ANKRD63: variants seen among roughly 807,000 people sequenced by gnomAD.
ANKRD63 encodes the protein ankyrin repeat domain-containing protein 63.
A neutral mutation model predicts 21.2 loss-of-function variants in ANKRD63; 18 were observed. The ratio of observed to expected loss-of-function variants is 0.85; its 90% CI spans 0.59 to 1.26. The LOEUF is 1.26. Among genes scored for constraint, ANKRD63 ranks in the 50% most tolerant of loss-of-function variants. The pLI is 0.00. For missense variants in ANKRD63, 523 were observed against 570.9 expected, an observed-to-expected ratio of 0.92 and a Z score of 0.85; for synonymous variants, 322 against 273.3, an observed-to-expected ratio of 1.18 and a Z score of -1.76.
At position 40,279,104 on chromosome 15, in the gene ANKRD63, C is replaced by G. The variant is rs1185365995; in HGVS notation, c.*2340G>C. On this transcript the variant is annotated 3_prime_UTR_variant, in exon 1 of 1. Coordinates refer to ENST00000434396, the MANE Select transcript of ANKRD63 (RefSeq NM_001190479.3). The stretch of plus-strand genomic sequence containing the variant: ...GTCCCCACCCTACCCCAGACCCTCT[C>G]TCTCAGGCTTTTCAGGCACTTGGTA... 6.6e-6 allele frequency among the ~76,000 whole-genome samples: 1 copy of G among 152,262 alleles called. No individual in the cohort carries two copies. Among genetic ancestry groups the G allele is most frequent in the Admixed American group, 6.5e-5 (1 of 15,292 alleles).
rs2039514054 is a variant in ANKRD63 at position 40,279,083 on chromosome 15, C to T, written c.*2361G>A. On this transcript the variant is annotated 3_prime_UTR_variant, in exon 1 of 1. Coordinates refer to ENST00000434396, the MANE Select transcript of ANKRD63 (RefSeq NM_001190479.3). ...TTGCACTTGGGGTGTCCAGTGGTCC[C>T]CACCCTACCCCAGACCCTCTCTCTC... 1.3e-5 allele frequency among the ~76,000 whole-genome samples: 2 copies of T among 152,336 alleles called. No homozygotes were observed. Among genetic ancestry groups the T allele is most frequent in the East Asian group, 1.9e-4 (1 of 5,186 alleles).
Position 40,280,456 on chromosome 15 carries a change from T to C in ANKRD63, c.*988A>G, listed in dbSNP as rs150992135. 3.0e-3 allele frequency among the ~76,000 whole-genome samples: 452 copies of C among 152,354 alleles called. 3 individuals are homozygous for C. Among genetic ancestry groups the C allele is most frequent in the African/African-American group, 0.011 (444 of 41,590 alleles). On this transcript the variant is annotated 3_prime_UTR_variant, in exon 1 of 1. Transcript: ENST00000434396. Reference sequence around the variant, plus strand: ...GCTTAAAACACGAGTTCTTTGAGGATTGGAAGAAATACAATTAAGCACAGC... The same window carrying C: ...GCTTAAAACACGAGTTCTTTGAGGACTGGAAGAAATACAATTAAGCACAGC...
Position 40,279,984 on chromosome 15 carries a change from G to A in ANKRD63, c.*1460C>T, listed in dbSNP as rs990852586. Among the ~76,000 whole-genome samples, 1 of 152,242 alleles carries A rather than the reference G, an allele frequency of 6.6e-6. No individual in the cohort carries two copies. The highest frequency in any genetic ancestry group is 1.5e-5 in the Non-Finnish European group (1 of 68,032). The stretch of plus-strand genomic sequence containing the variant: ...GCCCCCAACCCCGCCGCCTCGCTAG[G>A]CCAGTATAGGGCAGGAGGGTGGGGG... On this transcript the variant is annotated 3_prime_UTR_variant, in exon 1 of 1. Coordinates refer to ENST00000434396, the MANE Select transcript of ANKRD63 (RefSeq NM_001190479.3).
At position 40,279,475 on chromosome 15, in the gene ANKRD63, A is replaced by G. The variant is rs1369230427; in HGVS notation, c.*1969T>C. On this transcript the variant is annotated 3_prime_UTR_variant, in exon 1 of 1. Transcript: ENST00000434396. ...AGGAAGAGGATTCCACGATAAATGC[A>G]CATGGATGAAGAAGTACACAGGGGT... 6.6e-6 allele frequency among the ~76,000 whole-genome samples: 1 copy of G among 152,252 alleles called. No individual in the cohort carries two copies. Among genetic ancestry groups the G allele is most frequent in the African/African-American group, 2.4e-5 (1 of 41,466 alleles).
At position 40,281,684 on chromosome 15, in the gene ANKRD63, C is replaced by A; in HGVS notation, c.903G>T (p.Ala301=). 6.5e-7 allele frequency: 1 copy of A among 1,530,886 alleles called. No homozygotes were observed. Among genetic ancestry groups the A allele is most frequent in the Non-Finnish European group, 8.7e-7 (1 of 1,143,630 alleles). 94.8% of individuals were successfully genotyped at this position (1,530,886 alleles called of 1,614,324 possible). A position where few individuals can be genotyped will look rare whatever the true frequency, so the allele number is the denominator to read the frequency against. Residue 301 remains alanine (A), a synonymous_variant, in exon 1 of 1, where the codon GCG becomes GCT. Coordinates refer to ENST00000434396, the MANE Select transcript of ANKRD63 (RefSeq NM_001190479.3). ...RWRSQEVLEG[A]PPTLAQAPIG... is the part of the protein sequence containing the mutation. ...TGGGGGCTTGCGCTAAGGTTGGGGG[C>A]GCTCCCTCCAGCACCTCCTGTGAGC...
rs1761231837 is a variant in ANKRD63, at chr15:40,280,757, C to T, written c.*687G>A. Among the ~76,000 whole-genome samples, 1 of 152,200 alleles carries T rather than the reference C, an allele frequency of 6.6e-6. No homozygotes were observed. The highest frequency in any genetic ancestry group is 6.5e-5 in the Admixed American group (1 of 15,286). On this transcript the variant is annotated 3_prime_UTR_variant, in exon 1 of 1. Transcript: ENST00000434396. ...TTATCAATGAAGCTGAATCCTGGGG[C>T]AGAGAGAGAGGGAGCTGGAGTTACC...
rs2039512827 is a variant in ANKRD63, at chr15:40,278,944, A to G, written c.*2500T>C. On this transcript the variant is annotated 3_prime_UTR_variant, in exon 1 of 1. Coordinates refer to ENST00000434396, the MANE Select transcript of ANKRD63 (RefSeq NM_001190479.3). ...ACCTCTGATACAATGTGCAACCCAGACTTCATGCTGTTAAGCCAAAATACT... is the reference window on the plus strand; with the variant it reads ...ACCTCTGATACAATGTGCAACCCAGGCTTCATGCTGTTAAGCCAAAATACT... Among the ~76,000 whole-genome samples, 1 of 152,248 alleles carries G rather than the reference A, an allele frequency of 6.6e-6. No individual in the cohort carries two copies. Among genetic ancestry groups the G allele is most frequent in the African/African-American group, 2.4e-5 (1 of 41,460 alleles).
Position 40,281,934 on chromosome 15 carries a change from AGAGGCCGCGG to A in ANKRD63, c.643_652del (p.Pro215SerfsTer40). ...CGCCGCTCGCGCAAAGCGCGCCAGG[AGAGGCCGCGG>A]GAGGCGGCGGGGGCTGGGTCGTCGA... is the stretch of plus-strand genomic sequence containing the variant. On this transcript the variant is annotated frameshift_variant, in exon 1 of 1. Transcript: ENST00000434396. LOFTEE classifies it high-confidence loss of function. 1.5e-6 allele frequency: 2 copies of A among 1,337,686 alleles called. No homozygotes were observed. The highest frequency in any genetic ancestry group is 1.9e-6 in the Non-Finnish European group (2 of 1,050,646). 82.9% of individuals were successfully genotyped at this position (1,337,686 alleles called of 1,614,324 possible). A position where few individuals can be genotyped will look rare whatever the true frequency, so the allele number is the denominator to read the frequency against.
Position 40,281,536 on chromosome 15 carries a change from C to G in ANKRD63, c.1051G>C (p.Glu351Gln). 6.5e-7 allele frequency: 1 copy of G among 1,528,346 alleles called. No homozygotes were observed. Among genetic ancestry groups the G allele is most frequent in the Non-Finnish European group, 8.7e-7 (1 of 1,142,988 alleles). The allele number at this position is 1,528,346 out of a possible 1,614,324, so 94.7% of individuals were successfully genotyped here. A position where few individuals can be genotyped will look rare whatever the true frequency, so the allele number is the denominator to read the frequency against. The part of the protein sequence containing the change: ...GEAPGPESGP[E>Q]LEANALSVSV... ...ACAGACAGAGCGTTGGCCTCTAACT[C>G]CGGGCCACTCTCGGGCCCTGGCGCC... The change falls in exon 1 of 1, where the codon GAG becomes CAG. Residue 351 changes from glutamate (E) to glutamine (Q), a missense_variant. Glu to Gln is a conservative substitution (Grantham distance 29). This residue lies in a region of ANKRD63 where 308 missense variants were observed against 290.4 expected (regional missense o/e 1.06). Transcript: ENST00000434396.
Position 40,282,252 on chromosome 15 carries a change from G to T in ANKRD63, c.335C>A (p.Ala112Glu). Residue 112 changes from alanine (A) to glutamate (E), a missense_variant, in exon 1 of 1, where the codon GCG becomes GAG. By Grantham distance (107) the Ala-to-Glu change is moderately radical. Coordinates refer to ENST00000434396, the MANE Select transcript of ANKRD63 (RefSeq NM_001190479.3). ...LLVQFSGDPE[A>E]ADSAGNSPVM... ...CGGGCTGTTGCCCGCAGAGTCGGCC[G>T]CCTCGGGGTCACCGCTGAACTGCAC... The T allele has an allele frequency of 6.6e-7, 1 of 1,519,676 alleles. No homozygotes were observed. 94.1% of individuals were successfully genotyped at this position (1,519,676 alleles called of 1,614,324 possible).
chr15:40,280,482 CT>C lies in ANKRD63; in HGVS notation c.*961del, dbSNP rs927470600. Among the ~76,000 whole-genome samples, 16 of 152,260 alleles carry C rather than the reference CT, an allele frequency of 1.1e-4. No individual in the cohort carries two copies. Among genetic ancestry groups the C allele is most frequent in the African/African-American group, 3.1e-4 (13 of 41,462 alleles). On this transcript the variant is annotated 3_prime_UTR_variant, in exon 1 of 1. Transcript: ENST00000434396. Reference sequence around the variant, plus strand: ...TGGAAGAAATACAATTAAGCACAGCCTTCGCAACCGTTCCACCCCGCGGGAG... The same window carrying C: ...TGGAAGAAATACAATTAAGCACAGCCTCGCAACCGTTCCACCCCGCGGGAG...
rs775409447 is a variant in ANKRD63 at position 40,281,864 on chromosome 15, GC to G, written c.722del (p.Gly241AlafsTer17). ...GEAGSAGKNS[G>X]RHRAQGSERP... ...GTTCGCTGCCCTGCGCCCGGTGCCG[GC>G]CCGAATTCTTGCCCGCTGAGCCAGC... On this transcript the variant is annotated frameshift_variant, in exon 1 of 1. Transcript: ENST00000434396. LOFTEE classifies it high-confidence loss of function. The G allele has an allele frequency of 6.7e-7, 1 of 1,500,256 alleles. No individual in the cohort carries two copies. Among genetic ancestry groups the G allele is most frequent in the South Asian group, 1.2e-5 (1 of 80,290 alleles). The allele number at this position is 1,500,256 out of a possible 1,614,324, so 92.9% of individuals were successfully genotyped here.
At position 40,281,920 on chromosome 15, in the gene ANKRD63, C is replaced by T; in HGVS notation, c.667G>A (p.Ala223Thr). 7.1e-7 allele frequency: 1 copy of T among 1,403,646 alleles called. No individual in the cohort carries two copies. Among genetic ancestry groups the T allele is most frequent in the Non-Finnish European group, 9.2e-7 (1 of 1,089,412 alleles). 86.9% of individuals were successfully genotyped at this position (1,403,646 alleles called of 1,614,324 possible). A position where few individuals can be genotyped will look rare whatever the true frequency, so the allele number is the denominator to read the frequency against. ...CCGCCGTGGCCGCCCGCCGCTCGCG[C>T]AAAGCGCGCCAGGAGAGGCCGCGGG... ...RLPRPLLARF[A>T]RAAGGHGGEA... is the part of the protein sequence containing the mutation. The change falls in exon 1 of 1, where the codon GCG (alanine) becomes ACG (threonine). Residue 223 changes from alanine (A) to threonine (T), a missense_variant. Physicochemically the swap from Ala to Thr is moderately conservative, Grantham distance 58. Transcript: ENST00000434396.
At position 40,281,381 on chromosome 15, in the gene ANKRD63, G is replaced by C. The variant is rs761189799; in HGVS notation, c.*63C>G. On this transcript the variant is annotated 3_prime_UTR_variant, in exon 1 of 1. Transcript: ENST00000434396. Reference sequence around the variant, plus strand: ...CCGAAAAGGTGAGGGACCTAGAAGAGAGAAATACCAGTGGAGTAGAAACGG... The same window carrying C: ...CCGAAAAGGTGAGGGACCTAGAAGACAGAAATACCAGTGGAGTAGAAACGG... 2.3e-6 allele frequency: 3 copies of C among 1,300,586 alleles called. No homozygotes were observed. The highest frequency in any genetic ancestry group is 3.1e-5 in the African/African-American group (2 of 64,818). The allele number at this position is 1,300,586 out of a possible 1,614,324, so 80.6% of individuals were successfully genotyped here.
Position 40,281,803 on chromosome 15 carries a change from C to G in ANKRD63, c.784G>C (p.Gly262Arg), listed in dbSNP as rs1346223406. 1 of 1,535,068 alleles carries G rather than the reference C, an allele frequency of 6.5e-7. No homozygotes were observed. Among genetic ancestry groups the G allele is most frequent in the Admixed American group, 2.0e-5 (1 of 50,964 alleles). Residue 262 changes from glycine (G) to arginine (R), a missense_variant, in exon 1 of 1, where the codon GGT becomes CGT. Transcript: ENST00000434396. ...GCAGCCTCCTCCTCGGTTACCGCAC[C>G]TAGAGCCAGGCTCATGCTCCGACCC... ...ELGRSMSLAL[G>R]AVTEEEAARL...
In ANKRD63 at chr15:40,282,669, C is replaced by G. The variant is rs777542371; in HGVS notation, c.-83G>C. 523 of 1,114,092 alleles carry G rather than the reference C, an allele frequency of 4.7e-4. 1 individual carries two copies. The highest frequency in any genetic ancestry group is 1.2e-3 in the South Asian group (57 of 46,738). The allele number at this position is 1,114,092 out of a possible 1,614,324, so 69.0% of individuals were successfully genotyped here. ...TCGCGCCCCGCGGGGCTCCGGCCTC[C>G]GCCCGCGCTCTGATACCTCTCCCTC... On this transcript the variant is annotated 5_prime_UTR_variant, in exon 1 of 1. Coordinates refer to ENST00000434396, the MANE Select transcript of ANKRD63 (RefSeq NM_001190479.3).
In ANKRD63 at chr15:40,280,085, C is replaced by G. The variant is rs1029482559; in HGVS notation, c.*1359G>C. Among the ~76,000 whole-genome samples the G allele has an allele frequency of 6.6e-6, 1 of 152,248 alleles. No homozygotes were observed. The highest frequency in any genetic ancestry group is 2.4e-5 in the African/African-American group (1 of 41,470). On this transcript the variant is annotated 3_prime_UTR_variant, in exon 1 of 1. Transcript: ENST00000434396. ...TCTCTGCGGTTGCCTCTGACTTACT[C>G]ATCTACCCAGTAATAAAACTGGGCC...
Position 40,281,481 on chromosome 15 carries a change from G to A in ANKRD63, c.1106C>T (p.Ala369Val). The A allele has an allele frequency of 7.0e-7, 1 of 1,433,780 alleles. No individual in the cohort carries two copies. Among genetic ancestry groups the A allele is most frequent in the Non-Finnish European group, 9.1e-7 (1 of 1,097,762 alleles). 88.8% of individuals were successfully genotyped at this position (1,433,780 alleles called of 1,614,324 possible). A position where few individuals can be genotyped will look rare whatever the true frequency, so the allele number is the denominator to read the frequency against. The part of the protein sequence containing the change: ...VSVPGPNPWQ[A>V]GTEAVVLRAQ... ...ACGCAGCACCACAGCCTCGGTGCCCGCCTGCCAAGGGTTCGGCCCAGGCAC... is the reference window on the plus strand; with the variant it reads ...ACGCAGCACCACAGCCTCGGTGCCCACCTGCCAAGGGTTCGGCCCAGGCAC... Residue 369 changes from alanine (A) to valine (V), a missense_variant, in exon 1 of 1, where the codon GCG becomes GTG. Ala to Val is a moderately conservative substitution (Grantham distance 64). This residue lies in a region of ANKRD63 where 308 missense variants were observed against 290.4 expected (regional missense o/e 1.06). Transcript: ENST00000434396.
In ANKRD63 at chr15:40,282,100, C is replaced by A. The variant is rs773914236; in HGVS notation, c.487G>T (p.Ala163Ser). 11 of 1,386,928 alleles carry A rather than the reference C, an allele frequency of 7.9e-6. No individual in the cohort carries two copies. In the South Asian group the frequency reaches 1.3e-4, roughly 16 times the overall value. 85.9% of individuals were successfully genotyped at this position (1,386,928 alleles called of 1,614,324 possible). Residue 163 changes from alanine (A) to serine (S), a missense_variant, in exon 1 of 1, where the codon GCC becomes TCC. Transcript: ENST00000434396. ...TGCACACAGGTCCCGTGGCCGCGGG[C>A]GGCGGCCAGTTGCAGCGCGGTGAGC... Reference protein sequence around the residue: ...AGLTALQLAAARGHGTCVQAL... With the variant: ...AGLTALQLAASRGHGTCVQAL...
Sources: allele counts gnomAD v4.1 joint callset (sites outside exome capture counted in the v4.1 genomes callset), GRCh38; gene constraint gnomAD v4.1.1; regional missense constraint gnomAD v4.1.1; transcripts MANE v1.5; gene names NCBI Gene and HGNC (gene_info 2026-07-23, HGNC 2026-07-21).